The following SCAF4 variants were observed in gnomAD, a reference collection of about 807,000 sequenced individuals.
SCAF4 encodes SR-related CTD associated factor 4.
A neutral mutation model predicts 129.8 loss-of-function variants in SCAF4; 25 were observed. The observed-to-expected ratio is 0.19, with a 90% confidence interval of 0.14 to 0.27. The LOEUF (loss-of-function observed/expected upper bound fraction) is 0.27. Ranked by LOEUF, SCAF4 falls within the 10% of genes least tolerant of loss-of-function variation. SCAF4 has a pLI of 1.00. For synonymous variants in SCAF4, 551 were observed against 497.7 expected, an observed-to-expected ratio of 1.11 and a Z score of -1.43; for missense variants, 1,246 against 1,457.1, an observed-to-expected ratio of 0.86 and a Z score of 2.36.
chr21:31,700,960 T>C (rs761126655), intron 7 of SCAF4, 35 bp downstream of exon 7: 7 of 1,599,346 alleles, frequency 4.4e-6, no homozygotes, highest in Non-Finnish European at 6.0e-6. Flanking sequence ...TTGAGTGATA[T>C]AAATGGTGGG....
At chr21:31,726,662 C>G (rs2051212883) in intron 1 of SCAF4, among the ~76,000 whole-genome samples, 1 of 151,876 alleles carries the variant, frequency 6.6e-6, no homozygotes, top group Admixed American at 6.6e-5. Context: ...CAGACCCTGT[C>G]TCAAAAAACA....
intron 7 of SCAF4, among the ~76,000 whole-genome samples, chr21:31,698,601 G>A (rs917125187): frequency 1.3e-5 from 2 of 152,124 alleles, no homozygotes; most frequent in African/African-American, 4.8e-5. Context: ...AGATGAGAAG[G>A]TGTTTTTTAG....
intron 4 of SCAF4, among the ~76,000 whole-genome samples, chr21:31,703,015 T>C (rs1568848348): frequency 6.6e-6 from 1 of 152,182 alleles, no homozygotes; most frequent in Non-Finnish European, 1.5e-5. Context: ...TATCTACTTA[T>C]AGTCAGCTAC....
At position 31,685,125 on chromosome 21, in the gene SCAF4, C is replaced by T. The variant is rs377397570; in HGVS notation, c.2412G>A (p.Met804Ile). Residue 804 changes from methionine to isoleucine, a missense_variant, in exon 19 of 20, where the codon ATG becomes ATA. Met to Ile is a conservative substitution (Grantham distance 10). Coordinates refer to ENST00000286835, the MANE Select transcript of SCAF4 (RefSeq NM_020706.2). ...GNAESGDSVK[M>I]YGSAVPPAAP... The stretch of plus-strand genomic sequence containing the variant: ...CAGCAGGTGGCACGGCAGAGCCATA[C>T]ATTTTCACGCTGTCACCAGACTCGG... 7 of 1,613,024 alleles carry T rather than the reference C, an allele frequency of 4.3e-6. No individual in the cohort carries two copies. Among genetic ancestry groups the T allele is most frequent in the African/African-American group, 4.0e-5 (3 of 74,836 alleles).
intron 14 of SCAF4, 85 bp downstream of exon 14, chr21:31,691,732 G>A (rs1176084991): frequency 3.3e-5 from 15 of 452,254 alleles, no homozygotes; most frequent in Non-Finnish European, 5.4e-5. Flanking sequence ...TCATTTCGAA[G>A]ACCCAAATTA....
In SCAF4 at chr21:31,671,750, T is replaced by C. The variant is rs376563518; in HGVS notation, c.3093A>G (p.Arg1031=). ...DDRDNSNRDR[R]EWGRRSPDRD... The stretch of plus-strand genomic sequence containing the variant: ...GGTCAGGGCTCCTCCTTCCCCACTC[T>C]CTCCTGTCACGGTTACTATTATCTC... The change falls in exon 20 of 20, where the codon AGA becomes AGG. Residue 1031 remains arginine, a synonymous_variant. Transcript: ENST00000286835. The C allele has an allele frequency of 6.2e-7, 1 of 1,614,018 alleles. No individual in the cohort carries two copies. The highest frequency in any genetic ancestry group is 1.3e-5 in the African/African-American group (1 of 74,926).
At chr21:31,694,724 A>G (rs1329888277) in intron 10 of SCAF4, 89 bp downstream of exon 10, 10 of 1,329,580 alleles carry the variant, frequency 7.5e-6, no homozygotes, top group Non-Finnish European at 1.1e-5. Context: ...TTCATATTCA[A>G]AAATGAAGAC....
chr21:31,693,222 C>G (rs2050301302), intron 12 of SCAF4, 72 bp downstream of exon 12: 7 of 1,082,646 alleles, frequency 6.5e-6, no homozygotes, highest in East Asian at 2.8e-5. Context: ...GTTTTGCTAA[C>G]AGTTATAAAA....
intron 16 of SCAF4, among the ~76,000 whole-genome samples, chr21:31,686,217 GAAAAAAA>G (rs78764330): frequency 1.1e-5 from 1 of 88,900 alleles, no homozygotes; most frequent in Non-Finnish European, 2.2e-5. Flanking sequence ...AAAAAAAAAA[GAAAAAAA>G]AAAAAAAGGA....
In SCAF4 at chr21:31,692,150, T is replaced by G. The variant is rs937102387; in HGVS notation, c.1614+199A>C. 1.9e-5 allele frequency: 11 copies of G among 591,138 alleles called. No individual in the cohort carries two copies. In the East Asian group the frequency reaches 3.0e-4, roughly 16 times the overall value. 36.6% of individuals were successfully genotyped at this position (591,138 alleles called of 1,614,324 possible). On this transcript the variant is annotated intron_variant, in intron 13 of 19. Transcript: ENST00000286835. ...TAGAAATGTTTGAAATTAAACTTGG[T>G]TATCCAAGAAATGTTAAATACAAAG...
chr21:31,731,709 C>T lies in SCAF4; in HGVS notation c.-17G>A, dbSNP rs372918874. 2.5e-6 allele frequency: 4 copies of T among 1,577,240 alleles called. No homozygotes were observed. The African/African-American group carries it at 4.2e-5, about 17-fold the overall frequency. On this transcript the variant is annotated 5_prime_UTR_variant, in exon 1 of 20. Coordinates refer to ENST00000286835, the MANE Select transcript of SCAF4 (RefSeq NM_020706.2). The stretch of plus-strand genomic sequence containing the variant: ...GGCGTCCATGTTCGCGCTGCGGCGG[C>T]GGCTGCTCCGGGCCCGCCGGTCACA...
intron 1 of SCAF4, among the ~76,000 whole-genome samples, chr21:31,730,627 G>C (rs938029465): frequency 7.2e-5 from 11 of 152,068 alleles, no homozygotes; most frequent in African/African-American, 2.4e-4. Context: ...CTTTATCTTT[G>C]GTATTTGGAA....
chr21:31,730,592 TACA>T (rs1453352079), intron 1 of SCAF4, among the ~76,000 whole-genome samples: 3 of 152,218 alleles, frequency 2.0e-5, no homozygotes, highest in African/African-American at 7.2e-5. Flanking sequence ...CATCTCGAAC[TACA>T]ACATTTGATT....
At chr21:31,689,741 T>C (rs2050213613) in intron 15 of SCAF4, among the ~76,000 whole-genome samples, 1 of 150,788 alleles carries the variant, frequency 6.6e-6, no homozygotes, top group African/African-American at 2.4e-5. Context: ...GAGGCCAGCC[T>C]AACATGGTGA....
intron 1 of SCAF4, among the ~76,000 whole-genome samples, chr21:31,713,097 T>C (rs2050844095): frequency 6.6e-6 from 1 of 152,240 alleles, no homozygotes; most frequent in Non-Finnish European, 1.5e-5. Context: ...TTGTAAATGA[T>C]TTATTACTGA....
In SCAF4 at chr21:31,704,018, C is replaced by T. The variant is rs1817435662; in HGVS notation, c.160-92G>A. 6 of 727,518 alleles carry T rather than the reference C, an allele frequency of 8.2e-6. No homozygotes were observed. In the South Asian group the frequency reaches 1.9e-4, roughly 23 times the overall value. 45.1% of individuals were successfully genotyped at this position (727,518 alleles called of 1,614,324 possible). ...CACATTTATGAAACTTTTATATATCCATCCAATGATTGCTTTTGTTTAAAA... is the reference window on the plus strand; with the variant it reads ...CACATTTATGAAACTTTTATATATCTATCCAATGATTGCTTTTGTTTAAAA... On this transcript the variant is annotated intron_variant, in intron 3 of 19. Coordinates refer to ENST00000286835, the MANE Select transcript of SCAF4 (RefSeq NM_020706.2).
chr21:31,708,315 G>A (rs1476869972), intron 1 of SCAF4, among the ~76,000 whole-genome samples: 1 of 151,748 alleles, frequency 6.6e-6, no homozygotes, highest in Non-Finnish European at 1.5e-5. Context: ...GGCGGACAGA[G>A]GTTGCAGTAA....
At chr21:31,724,763 AGT>A (rs569546217) in intron 1 of SCAF4, among the ~76,000 whole-genome samples, 164 of 152,322 alleles carry the variant, frequency 1.1e-3, no homozygotes, top group African/African-American at 3.7e-3. Flanking sequence ...TCATCTCTCT[AGT>A]AGGTACAGTT....
At chr21:31,698,452 A>G (rs893679682) in intron 7 of SCAF4, among the ~76,000 whole-genome samples, 5 of 152,354 alleles carry the variant, frequency 3.3e-5, no homozygotes, top group Middle Eastern at 3.4e-3. Flanking sequence ...ATACACTGAC[A>G]TAGAAATGTA....
Sources: allele counts gnomAD v4.1 joint callset (sites outside exome capture counted in the v4.1 genomes callset), GRCh38; gene constraint gnomAD v4.1.1; transcripts MANE v1.5; gene names NCBI Gene and HGNC (gene_info 2026-07-23, HGNC 2026-07-21).